RFX4: variants seen among roughly 807,000 people sequenced by gnomAD.
RFX4 encodes the protein regulatory factor X4.
RFX4 carries 10 observed loss-of-function variants against 95.0 expected under a neutral mutation model. The observed-to-expected ratio is 0.11, with a 90% CI of 0.06 to 0.18. The LOEUF is 0.18. Among genes scored for constraint, RFX4 ranks in the 10% least tolerant of loss-of-function variants. The pLI, the probability that RFX4 is intolerant of heterozygous loss-of-function variation, is 1.00. For missense variants in RFX4, 640 were observed against 922.0 expected (o/e 0.69, Z 3.96); for synonymous variants, 321 against 340.7 (o/e 0.94, Z 0.64).
intron 16 of RFX4, 141 bp from the exon 17 acceptor site, chr12:106,750,514 G>A: frequency 2.5e-6 from 2 of 784,840 alleles, no homozygotes; most frequent in Non-Finnish European, 3.7e-6. Context: ...AAGAAAAATG[G>A]GATTGGGGGT....
intron 15 of RFX4, among the ~76,000 whole-genome samples, chr12:106,739,439 T>C (rs2042768658): frequency 6.6e-6 from 1 of 152,086 alleles, no homozygotes; most frequent in Non-Finnish European, 1.5e-5. Context: ...CTAAAATTAA[T>C]TCATTGCACA....
At chr12:106,746,397 T>A (rs983164394) in intron 15 of RFX4, among the ~76,000 whole-genome samples, 5 of 149,464 alleles carry the variant, frequency 3.3e-5, no homozygotes, top group Admixed American at 1.3e-4. Context: ...CTGGGCATGG[T>A]GGTACATACC....
At position 106,732,040 on chromosome 12, in the gene RFX4, AAC is replaced by A. The variant is rs2042622030; in HGVS notation, c.1352-87_1352-86del. The A allele has an allele frequency of 2.6e-6, 4 of 1,543,574 alleles. No homozygotes were observed. In the African/African-American group the frequency reaches 5.5e-5, roughly 21 times the overall value. On this transcript the variant is annotated intron_variant, in intron 13 of 17. Transcript: ENST00000392842. The stretch of plus-strand genomic sequence containing the variant: ...TTAGACTCTTGAGCAGAGCATTTAG[AAC>A]ACTGTGTAACTTGTGCAGTTGACCA...
At chr12:106,641,590 C>T (rs150514512) in intron 3 of RFX4, among the ~76,000 whole-genome samples, 752 of 152,236 alleles carry the variant, frequency 4.9e-3, no homozygotes, top group South Asian at 0.019. Flanking sequence ...AATAAAGGGT[C>T]ACATAGATCA....
At chr12:106,641,980 T>TATCTA (rs2040638661) in intron 3 of RFX4, among the ~76,000 whole-genome samples, 1 of 115,522 alleles carries the variant, frequency 8.7e-6, no homozygotes, top group Non-Finnish European at 1.9e-5. Context: ...TCTATATCTA[T>TATCTA]ATCTATATCT....
intron 9 of RFX4, among the ~76,000 whole-genome samples, chr12:106,709,886 T>A (rs1387487683): frequency 6.6e-6 from 1 of 152,194 alleles, no homozygotes; most frequent in African/African-American, 2.4e-5. Flanking sequence ...GGTCTCAGAT[T>A]TCCTTGAAGT....
chr12:106,659,285 T>G (rs1332794841), intron 4 of RFX4, among the ~76,000 whole-genome samples: 1 of 152,176 alleles, frequency 6.6e-6, no homozygotes, highest in Non-Finnish European at 1.5e-5. Context: ...GAGTGTGATC[T>G]GATCTTCTCC....
chr12:106,756,678 A>G (rs1347269429), intron 17 of RFX4, among the ~76,000 whole-genome samples: 2 of 152,156 alleles, frequency 1.3e-5, no homozygotes, highest in African/African-American at 4.8e-5. Context: ...CAATTTTCTC[A>G]TCTGAAAAAT....
chr12:106,660,826 T>C (rs891575976), intron 4 of RFX4, among the ~76,000 whole-genome samples: 7 of 152,110 alleles, frequency 4.6e-5, no homozygotes, highest in Non-Finnish European at 1.0e-4. Flanking sequence ...AGAACCCTAT[T>C]GTGAACTGCG....
chr12:106,752,062 T>A (rs1490226216), intron 17 of RFX4, among the ~76,000 whole-genome samples: 1 of 149,910 alleles, frequency 6.7e-6, no homozygotes, highest in Non-Finnish European at 1.5e-5. Flanking sequence ...AGGGTTTTTA[T>A]GGTTTTAGGT....
At chr12:106,742,032 C>T (rs973144999) in intron 15 of RFX4, among the ~76,000 whole-genome samples, 8 of 152,228 alleles carry the variant, frequency 5.3e-5, no homozygotes, top group East Asian at 1.9e-4. Context: ...GGCCACGGTC[C>T]GGTACTGGCC....
At chr12:106,665,300 G>T (rs1345843748) in intron 4 of RFX4, among the ~76,000 whole-genome samples, 4 of 151,748 alleles carry the variant, frequency 2.6e-5, no homozygotes, top group Admixed American at 1.3e-4. Flanking sequence ...AATTAATATA[G>T]TTATTCCTGT....
At chr12:106,710,741 T>G (rs901356323) in intron 9 of RFX4, among the ~76,000 whole-genome samples, 3 of 152,166 alleles carry the variant, frequency 2.0e-5, no homozygotes, top group Non-Finnish European at 2.9e-5. Context: ...ATTTTGAGAA[T>G]GTGCAAGGGG....
At chr12:106,632,844 G>A (rs2040442708) in intron 2 of RFX4, among the ~76,000 whole-genome samples, 1 of 151,956 alleles carries the variant, frequency 6.6e-6, no homozygotes, top group Non-Finnish European at 1.5e-5. Flanking sequence ...ACCGTATCTG[G>A]CACTACAGGT....
intron 8 of RFX4, among the ~76,000 whole-genome samples, chr12:106,703,887 G>A (rs939447089): frequency 2.2e-4 from 34 of 151,844 alleles, no homozygotes; most frequent in Admixed American, 6.6e-4. Flanking sequence ...CCAATGTGTC[G>A]AAACCCTGTC....
intron 2 of RFX4, among the ~76,000 whole-genome samples, chr12:106,633,565 T>C (rs2040457774): frequency 6.6e-6 from 1 of 152,180 alleles, no homozygotes; most frequent in African/African-American, 2.4e-5. Context: ...AACATCCTTG[T>C]GACAGAAGTT....
chr12:106,618,480 C>CT (rs1233298090), intron 2 of RFX4, among the ~76,000 whole-genome samples: 7 of 151,852 alleles, frequency 4.6e-5, no homozygotes, highest in Non-Finnish European at 7.4e-5. Context: ...ATTGAAATGA[C>CT]TTTTTTATTA....
intron 8 of RFX4, among the ~76,000 whole-genome samples, chr12:106,698,162 C>G (rs371176367): frequency 4.0e-5 from 6 of 151,732 alleles, no homozygotes; most frequent in Non-Finnish European, 5.9e-5. Context: ...TTAGTAGAGA[C>G]GGGGTTTCAC....
intron 3 of RFX4, among the ~76,000 whole-genome samples, chr12:106,651,301 T>C (rs2040851973): frequency 6.6e-6 from 1 of 152,218 alleles, no homozygotes; most frequent in South Asian, 2.1e-4. Context: ...GCTGCATGAC[T>C]GGGCAAATGA....
Sources: gnomAD v4.1 joint callset for allele counts (sites outside exome capture counted in the v4.1 genomes callset) on GRCh38, gnomAD v4.1.1 for gene constraint, MANE v1.5 for transcripts, NCBI Gene and HGNC (gene_info 2026-07-23, HGNC 2026-07-21) for gene names.